PLEKHM2: variants seen among roughly 807,000 people sequenced by gnomAD.
PLEKHM2 encodes the protein pleckstrin homology and RUN domain containing M2, also known as pleckstrin homology domain-containing family M member 2.
A neutral mutation model predicts 116.3 loss-of-function variants in PLEKHM2; 77 were observed. That is an observed-to-expected ratio of 0.66 (90% CI 0.55 to 0.80). The LOEUF (loss-of-function observed/expected upper bound fraction) is 0.80. Among genes scored for constraint, PLEKHM2 ranks in the 30% least tolerant of loss-of-function variants. The pLI is 0.00. For missense variants in PLEKHM2, 1,183 were observed against 1,354.9 expected (o/e 0.87, Z 1.99); for synonymous variants, 562 against 571.0 (o/e 0.98, Z 0.22).
intron 1 of PLEKHM2, among the ~76,000 whole-genome samples, chr1:15,711,498 T>G (rs1198362751): frequency 6.6e-6 from 1 of 151,746 alleles, no homozygotes; most frequent in Admixed American, 6.6e-5. Context: ...GTGCCTGTGA[T>G]CCCAGCTACT....
At chr1:15,722,228 C>G (rs2068005079) in intron 7 of PLEKHM2, among the ~76,000 whole-genome samples, 2 of 152,230 alleles carry the variant, frequency 1.3e-5, no homozygotes, top group African/African-American at 2.4e-5. Flanking sequence ...ACTGTAACCT[C>G]CACCTCCCGG....
intron 1 of PLEKHM2, among the ~76,000 whole-genome samples, chr1:15,690,890 G>A (rs889816715): frequency 3.3e-5 from 5 of 152,194 alleles, no homozygotes; most frequent in African/African-American, 9.6e-5. Context: ...TGATAAATTC[G>A]TAGACAAATA....
At chr1:15,731,400 C>T in intron 16 of PLEKHM2, 143 bp downstream of exon 16, 1 of 700,010 alleles carries the variant, frequency 1.4e-6, no homozygotes, top group Non-Finnish European at 2.5e-6. Flanking sequence ...CTGGGGCTTC[C>T]ACGCTCTGAG....
chr1:15,702,415 GTTTT>G (rs925862408), intron 1 of PLEKHM2, among the ~76,000 whole-genome samples: 2 of 148,718 alleles, frequency 1.3e-5, no homozygotes, highest in African/African-American at 4.9e-5. Context: ...CTTCAGGTGG[GTTTT>G]TTTTTTCTTT....
chr1:15,682,127 A>G (rs1640656687), upstream of PLEKHM2, among the ~76,000 whole-genome samples: 2 of 151,566 alleles, frequency 1.3e-5, no homozygotes, highest in Admixed American at 1.3e-4. Context: ...AGGGAGTTCA[A>G]GCTACAGTGA....
At chr1:15,725,780 A>C in intron 8 of PLEKHM2, 1 of 562,686 alleles carries the variant, frequency 1.8e-6, no homozygotes, top group Non-Finnish European at 3.2e-6. Context: ...CACAACAGAC[A>C]TTCTTTCTCA....
chr1:15,688,796 C>T (rs1356815241), intron 1 of PLEKHM2, among the ~76,000 whole-genome samples: 2 of 152,104 alleles, frequency 1.3e-5, no homozygotes, highest in African/African-American at 4.8e-5. Flanking sequence ...TCCAAGTCAA[C>T]GACAGCTTTG....
intron 1 of PLEKHM2, among the ~76,000 whole-genome samples, chr1:15,713,618 T>TTTTG (rs1013712226): frequency 2.6e-4 from 38 of 147,308 alleles, no homozygotes; most frequent in Non-Finnish European, 4.3e-4. Flanking sequence ...ATATTCTGTT[T>TTTTG]TTTGTTTGTT....
intron 1 of PLEKHM2, among the ~76,000 whole-genome samples, chr1:15,709,649 G>A (rs1209897370): frequency 1.3e-5 from 2 of 152,076 alleles, no homozygotes; most frequent in African/African-American, 4.8e-5. Flanking sequence ...TCCTGCCTAC[G>A]GAGCCTTCTC....
chr1:15,712,681 T>C (rs557647323), intron 1 of PLEKHM2, among the ~76,000 whole-genome samples: 1 of 149,550 alleles, frequency 6.7e-6, no homozygotes, highest in South Asian at 2.1e-4. Flanking sequence ...AAGTTCTTGC[T>C]CCAGGCTGGA....
At chr1:15,705,060 C>T (rs1194938101) in intron 1 of PLEKHM2, among the ~76,000 whole-genome samples, 2 of 151,994 alleles carry the variant, frequency 1.3e-5, no homozygotes, top group African/African-American at 4.8e-5. Context: ...AGTACTCAGA[C>T]GCTCCTCCTG....
intron 1 of PLEKHM2, among the ~76,000 whole-genome samples, chr1:15,709,372 C>G (rs1338699039): frequency 1.3e-5 from 2 of 152,114 alleles, no homozygotes; most frequent in Non-Finnish European, 2.9e-5. Context: ...GATACTGGAG[C>G]GGGAGGGAGG....
At chr1:15,725,678 C>A in intron 8 of PLEKHM2, 133 bp downstream of exon 8, 1 of 654,070 alleles carries the variant, frequency 1.5e-6, no homozygotes, top group Non-Finnish European at 2.7e-6. Context: ...GAAACCCTTC[C>A]CACCTCTAGG....
intron 1 of PLEKHM2, among the ~76,000 whole-genome samples, chr1:15,715,787 CAA>C (rs1439599255): frequency 6.6e-6 from 1 of 152,160 alleles, no homozygotes; most frequent in Non-Finnish European, 1.5e-5. Context: ...ATAACATAAG[CAA>C]AGTTTAAAGG....
chr1:15,716,746 G>T lies in PLEKHM2; in HGVS notation c.207G>T (p.Val69=). ...DLSSGYWVLV[V]HFTRREAIKQ... ...CCTCTGGCTACTGGGTGCTCGTGGT[G>T]CATTTTACTCGGAGAGAGGCCATCA... is the stretch of plus-strand genomic sequence containing the variant. Residue 69 remains valine (V), a synonymous_variant, in exon 3 of 20, where the codon GTG becomes GTT. Transcript: ENST00000375799. 1.3e-6 allele frequency: 2 copies of T among 1,579,570 alleles called. No homozygotes were observed. Among genetic ancestry groups the T allele is most frequent in the Non-Finnish European group, 1.7e-6 (2 of 1,162,616 alleles).
At chr1:15,686,288 A>C (rs532392714) in intron 1 of PLEKHM2, among the ~76,000 whole-genome samples, 1 of 152,126 alleles carries the variant, frequency 6.6e-6, no homozygotes, top group Admixed American at 6.5e-5. Context: ...GTGTATCACA[A>C]CCAAAGCCAT....
At chr1:15,687,502 C>G (rs1640797788) in intron 1 of PLEKHM2, among the ~76,000 whole-genome samples, 1 of 152,062 alleles carries the variant, frequency 6.6e-6, no homozygotes, top group Non-Finnish European at 1.5e-5. Flanking sequence ...GGATCCTGGC[C>G]CAGTCTTAAC....
intron 1 of PLEKHM2, among the ~76,000 whole-genome samples, chr1:15,711,710 G>T (rs1641334843): frequency 6.6e-6 from 1 of 152,118 alleles, no homozygotes; most frequent in South Asian, 2.1e-4. Context: ...AGATTTGACT[G>T]CATCAAAATT....
At chr1:15,690,075 T>TG (rs1483237928) in intron 1 of PLEKHM2, among the ~76,000 whole-genome samples, 1 of 147,728 alleles carries the variant, frequency 6.8e-6, no homozygotes, top group Non-Finnish European at 1.5e-5. Flanking sequence ...TTTTTTTTTG[T>TG]TTTGTTTTTT....
Sources: allele counts gnomAD v4.1 joint callset (sites outside exome capture counted in the v4.1 genomes callset), GRCh38; gene constraint gnomAD v4.1.1; transcripts MANE v1.5; gene names NCBI Gene and HGNC (gene_info 2026-07-23, HGNC 2026-07-21).